The following LRP5 variants were observed in gnomAD, a reference collection of about 807,000 sequenced individuals.
LRP5 encodes the protein low-density lipoprotein receptor-related protein 5.
In LRP5, 62 loss-of-function variants were observed where a neutral mutation model predicts 154.1. The observed-to-expected ratio is 0.40, with a 90% CI of 0.33 to 0.50. LRP5 has a LOEUF of 0.50. Among genes scored for constraint, LRP5 ranks in the 20% least tolerant of loss-of-function variants. LRP5 has a pLI of 0.55. For missense variants in LRP5, 1,915 were observed against 2,336.7 expected (o/e 0.82, Z 3.72); for synonymous variants, 966 against 1,011.5 (o/e 0.96, Z 0.85).
At chr11:68,358,947 T>C (rs2098625468) in intron 3 of LRP5, among the ~76,000 whole-genome samples, 1 of 152,178 alleles carries the variant, frequency 6.6e-6, no homozygotes, top group South Asian at 2.1e-4. Context: ...CAGAGGGCAG[T>C]AGTGACTGCA....
chr11:68,399,124 T>A (rs1228551932), intron 7 of LRP5, among the ~76,000 whole-genome samples: 3 of 152,148 alleles, frequency 2.0e-5, no homozygotes, highest in Non-Finnish European at 4.4e-5. Flanking sequence ...AGTTTGAGGC[T>A]GGGCTCAAGT....
intron 5 of LRP5, among the ~76,000 whole-genome samples, chr11:68,385,223 C>T (rs555414236): frequency 2.0e-5 from 3 of 152,348 alleles, no homozygotes; most frequent in East Asian, 3.9e-4. Context: ...GGACCAGGCT[C>T]TCCCCTCATC....
intron 5 of LRP5, among the ~76,000 whole-genome samples, chr11:68,380,712 G>T (rs2098639803): frequency 6.6e-6 from 1 of 152,224 alleles, no homozygotes; most frequent in African/African-American, 2.4e-5. Context: ...GAGAGCTGTG[G>T]TGGGCGGGGC....
chr11:68,410,230 T>C, intron 10 of LRP5, 90 bp downstream of exon 10: 1 of 1,037,346 alleles, frequency 9.6e-7, no homozygotes, highest in South Asian at 1.4e-5. Flanking sequence ...AGGCTGTCCG[T>C]GTGGCCCTCG....
Position 68,357,791 on chromosome 11 carries a change from C to T in LRP5, c.630C>T (p.Tyr210=), listed in dbSNP as rs2098624398. The T allele has an allele frequency of 1.9e-6, 3 of 1,614,072 alleles. No homozygotes were observed. Among genetic ancestry groups the T allele is most frequent in the Non-Finnish European group, 2.5e-6 (3 of 1,179,952 alleles). The change falls in exon 3 of 23, where the codon TAC becomes TAT. Residue 210 remains tyrosine (Y), a synonymous_variant. Coordinates refer to ENST00000294304, the MANE Select transcript of LRP5 (RefSeq NM_002335.4). ...LTIDLEEQKL[Y]WADAKLSFIH... ...TCGACCTGGAGGAGCAGAAGCTCTA[C>T]TGGGCTGACGCCAAGCTCAGCTTCA... is the stretch of plus-strand genomic sequence containing the variant.
chr11:68,314,704 G>A (rs2098591726), intron 1 of LRP5, among the ~76,000 whole-genome samples: 1 of 152,246 alleles, frequency 6.6e-6, no homozygotes, highest in Non-Finnish European at 1.5e-5. Context: ...GGCCTGTCCA[G>A]GCACCCCCTC....
At chr11:68,373,355 A>C (rs1262930732) in intron 5 of LRP5, among the ~76,000 whole-genome samples, 3 of 151,932 alleles carry the variant, frequency 2.0e-5, no homozygotes, top group Non-Finnish European at 2.9e-5. Flanking sequence ...AGGGGCACAC[A>C]GGCGGCCTCC....
chr11:68,321,603 G>A (rs1253908776), intron 1 of LRP5, among the ~76,000 whole-genome samples: 1 of 152,094 alleles, frequency 6.6e-6, no homozygotes, highest in Non-Finnish European at 1.5e-5. Context: ...CTCTGGAGGT[G>A]CCCTTTGTGC....
At chr11:68,342,205 C>T (rs2098609571) in intron 1 of LRP5, among the ~76,000 whole-genome samples, 1 of 152,024 alleles carries the variant, frequency 6.6e-6, no homozygotes. Flanking sequence ...TAGGTGTGAG[C>T]TACGGAGCCG....
chr11:68,303,662 T>C, the LRP5 span, among the ~76,000 whole-genome samples: 2 of 152,082 alleles, frequency 1.3e-5, no homozygotes, highest in African/African-American at 4.8e-5. Flanking sequence ...CCAAGCTAAT[T>C]TTTTTGTATT....
At position 68,447,669 on chromosome 11, in the gene LRP5, C is replaced by T. The variant is rs866444634; in HGVS notation, c.4586+1136C>T. On this transcript the variant is annotated intron_variant, in intron 22 of 22. Transcript: ENST00000294304. This position sits in a 1 kb window ranked among gnomAD's most constrained non-coding sequence, Gnocchi z 4.3. ...GCGGACACATCTTCCCCCCGCCCGC[C>T]GTCTGACCTCACAGCAGCTGGGCCC... Among the ~76,000 whole-genome samples the T allele has an allele frequency of 1.4e-4, 21 of 152,192 alleles. No homozygotes were observed. Among genetic ancestry groups the T allele is most frequent in the African/African-American group, 4.8e-4 (20 of 41,452 alleles).
At chr11:68,416,255 C>T (rs1052107939) in intron 12 of LRP5, 73 bp from the exon 13 acceptor site, 6 of 1,314,418 alleles carry the variant, frequency 4.6e-6, no homozygotes, top group African/African-American at 2.9e-5. Flanking sequence ...TGTCGAGTGG[C>T]GTGCTATCCC....
At chr11:68,434,383 TTCATTCATTCATTC>T (rs1260279567) in intron 18 of LRP5, among the ~76,000 whole-genome samples, 30 of 150,258 alleles carry the variant, frequency 2.0e-4, no homozygotes, top group African/African-American at 6.0e-4. Context: ...CATTCATTCA[TTCATTCATTCATTC>T]GAGACAGAGT....
chr11:68,366,514 G>A (rs555997210), intron 5 of LRP5, among the ~76,000 whole-genome samples: 1 of 152,182 alleles, frequency 6.6e-6, no homozygotes, highest in Admixed American at 6.5e-5. Flanking sequence ...GCTGGCTAGG[G>A]TCTGTGTTTG....
intron 1 of LRP5, among the ~76,000 whole-genome samples, chr11:68,325,762 C>T (rs1424914504): frequency 2.0e-5 from 3 of 152,204 alleles, no homozygotes; most frequent in Non-Finnish European, 4.4e-5. Context: ...CCTAGCTCTG[C>T]GGTCTGGGAC....
chr11:68,416,434 C>G lies in LRP5; in HGVS notation c.2934C>G (p.Asn978Lys). 6.2e-7 allele frequency: 1 copy of G among 1,614,006 alleles called. No homozygotes were observed. Residue 978 changes from asparagine (N) to lysine (K), a missense_variant, in exon 13 of 23, where the codon AAC (asparagine) becomes AAG (lysine). By Grantham distance (94) the Asn-to-Lys change is moderately conservative. Around this residue, in one of 3 missense-constraint regions of LRP5, gnomAD observed 1,094 missense variants for 1,210.1 expected, o/e 0.90. Coordinates refer to ENST00000294304, the MANE Select transcript of LRP5 (RefSeq NM_002335.4). ...DLILPLHGLR[N>K]VKAIDYDPLD... The stretch of plus-strand genomic sequence containing the variant: ...TCCTGCCCCTGCATGGACTGAGGAA[C>G]GTCAAAGCCATCGACTATGACCCAC...
At chr11:68,338,404 C>T (rs900605988) in intron 1 of LRP5, among the ~76,000 whole-genome samples, 1 of 152,154 alleles carries the variant, frequency 6.6e-6, no homozygotes, top group Non-Finnish European at 1.5e-5. Flanking sequence ...ATTGGATATG[C>T]TTACATGGGT....
At position 68,397,679 on chromosome 11, in the gene LRP5, C is replaced by T. The variant is rs551467006; in HGVS notation, c.1585-5804C>T. Reference sequence around the variant, plus strand: ...ATCATCACCATCATCATTGTCATTTCGCTTGTCTGTGAGCCGGCCTGGTCT... The same window carrying T: ...ATCATCACCATCATCATTGTCATTTTGCTTGTCTGTGAGCCGGCCTGGTCT... On this transcript the variant is annotated intron_variant, in intron 7 of 22. Coordinates refer to ENST00000294304, the MANE Select transcript of LRP5 (RefSeq NM_002335.4). Among the ~76,000 whole-genome samples the T allele has an allele frequency of 5.9e-5, 9 of 152,232 alleles. No individual in the cohort carries two copies. In the East Asian group the frequency reaches 1.5e-3, roughly 26 times the overall value.
chr11:68,365,762 G>GCGGCCGC, intron 5 of LRP5, 60 bp downstream of exon 5: 1 of 1,451,990 alleles, frequency 6.9e-7, no homozygotes. Flanking sequence ...GGAATGGGTT[G>GCGGCCGC]CGGCCGCCGG....
Sources: gnomAD v4.1 joint callset for allele counts (sites outside exome capture counted in the v4.1 genomes callset) on GRCh38, gnomAD v4.1.1 for gene constraint, gnomAD v4.1.1 regional missense constraint, Gnocchi (gnomAD v3.1) non-coding constraint, MANE v1.5 for transcripts, NCBI Gene and HGNC (gene_info 2026-07-23, HGNC 2026-07-21) for gene names.